PVT1: variants seen among roughly 807,000 people sequenced by gnomAD.
The protein encoded by PVT1 is CXCR4/PVT1 fusion.
At chr8:127,863,129 C>G (rs952105195) in intron 2 of PVT1, among the ~76,000 whole-genome samples, 4 of 123,376 alleles carry the variant, frequency 3.2e-5, no homozygotes, top group Middle Eastern at 4.1e-3. Context: ...TTTATTTTTC[C>G]GAGACCGTGT....
At chr8:128,089,762 A>G (rs1252039191) in intron 5 of PVT1, among the ~76,000 whole-genome samples, 1 of 152,182 alleles carries the variant, frequency 6.6e-6, no homozygotes, top group Non-Finnish European at 1.5e-5. Flanking sequence ...ACATATTTGC[A>G]GACAAACCAG....
At chr8:127,960,390 T>G (rs1380482957) in intron 3 of PVT1, among the ~76,000 whole-genome samples, 4 of 152,136 alleles carry the variant, frequency 2.6e-5, no homozygotes, top group Non-Finnish European at 5.9e-5. Context: ...GGAGACACCC[T>G]TCCTGGAAAG....
chr8:127,854,072 G>A (rs1815136372), intron 2 of PVT1, among the ~76,000 whole-genome samples: 1 of 152,196 alleles, frequency 6.6e-6, no homozygotes, highest in South Asian at 2.1e-4. Flanking sequence ...CCTGCCCCAA[G>A]GCCGCCCACC....
intron 4 of PVT1, among the ~76,000 whole-genome samples, chr8:127,993,332 G>A (rs1012859529): frequency 2.0e-5 from 3 of 152,196 alleles, no homozygotes; most frequent in African/African-American, 7.2e-5. Context: ...GGGGAGCAGT[G>A]GCTGCGCCAC....
At position 128,055,083 on chromosome 8, in the gene PVT1, T is replaced by C. The variant is rs563947591; in HGVS notation, n.913-15077T>C. 3.8e-3 allele frequency among the ~76,000 whole-genome samples: 586 copies of C among 152,272 alleles called. 1 individual carries two copies. Among genetic ancestry groups the C allele is most frequent in the African/African-American group, 0.013 (526 of 41,552 alleles). The stretch of plus-strand genomic sequence containing the variant: ...GGATCTCCATCTTGCCAACCTGCCC[T>C]GTAGAATTTAGACTTAACAGTCCTC... On this transcript the variant is annotated intron_variant and non_coding_transcript_variant, in intron 4 of 10. Transcript: ENST00000651587.
At chr8:127,971,341 C>A (rs1313493825) in intron 3 of PVT1, among the ~76,000 whole-genome samples, 2 of 152,350 alleles carry the variant, frequency 1.3e-5, no homozygotes, top group South Asian at 4.1e-4. Flanking sequence ...CTGCCTCCAT[C>A]CCCTGCTGGG....
At chr8:127,921,641 A>G (rs1280569393) in intron 3 of PVT1, among the ~76,000 whole-genome samples, 2 of 151,820 alleles carry the variant, frequency 1.3e-5, no homozygotes, top group Non-Finnish European at 2.9e-5. Context: ...TCGAAACCCC[A>G]TCTCTATTAA....
intron 3 of PVT1, among the ~76,000 whole-genome samples, chr8:127,924,670 C>A (rs1816107600): frequency 6.6e-6 from 1 of 152,090 alleles, no homozygotes; most frequent in South Asian, 2.1e-4. Flanking sequence ...CACCACCACG[C>A]CCGACTAATT....
chr8:128,032,751 T>C (rs1471937305), intron 4 of PVT1, among the ~76,000 whole-genome samples: 1 of 152,164 alleles, frequency 6.6e-6, no homozygotes, highest in East Asian at 1.9e-4. Context: ...GGCTGGGGTG[T>C]CTCCACTCTG....
At chr8:127,980,415 G>A (rs866492354) in intron 3 of PVT1, among the ~76,000 whole-genome samples, 2 of 152,174 alleles carry the variant, frequency 1.3e-5, no homozygotes, top group Admixed American at 6.5e-5. Flanking sequence ...CCTGGAAGAG[G>A]CAACCTGCAT....
At chr8:127,819,455 A>G (rs921027047) in intron 2 of PVT1, among the ~76,000 whole-genome samples, 5 of 152,216 alleles carry the variant, frequency 3.3e-5, no homozygotes, top group African/African-American at 4.8e-5. Flanking sequence ...CGTTGTACAA[A>G]CGGAGAAACT....
chr8:127,935,294 C>A (rs1445320122), intron 3 of PVT1, among the ~76,000 whole-genome samples: 1 of 152,082 alleles, frequency 6.6e-6, no homozygotes, highest in Admixed American at 6.5e-5. Flanking sequence ...TTTTTTTAAG[C>A]CTCTTCCTTT....
At chr8:127,833,457 A>T (rs1239608664) in intron 2 of PVT1, among the ~76,000 whole-genome samples, 1 of 96,544 alleles carries the variant, frequency 1.0e-5, no homozygotes, top group Non-Finnish European at 1.9e-5. Flanking sequence ...AAACTGCTTT[A>T]TGGATTTTTT....
At chr8:128,000,708 A>G (rs977902766) in intron 4 of PVT1, among the ~76,000 whole-genome samples, 1 of 152,216 alleles carries the variant, frequency 6.6e-6, no homozygotes, top group African/African-American at 2.4e-5. Context: ...ACTTTGTCCC[A>G]TAACAATAGT....
intron 3 of PVT1, among the ~76,000 whole-genome samples, chr8:127,942,953 G>A (rs1816370198): frequency 6.6e-6 from 1 of 152,228 alleles, no homozygotes; most frequent in Admixed American, 6.5e-5. Context: ...AAAATCTGAG[G>A]AGGGAGCAGG....
intron 4 of PVT1, among the ~76,000 whole-genome samples, chr8:128,045,557 T>C (rs1038292538): frequency 6.6e-6 from 1 of 152,234 alleles, no homozygotes; most frequent in Non-Finnish European, 1.5e-5. Context: ...CGCAACCCAA[T>C]GCTTTTTCCA....
intron 2 of PVT1, among the ~76,000 whole-genome samples, chr8:127,811,912 C>G (rs1296999911): frequency 6.6e-6 from 1 of 152,048 alleles, no homozygotes; most frequent in Non-Finnish European, 1.5e-5. Context: ...TCAGATTTAC[C>G]TTCATTTGCA....
intron 3 of PVT1, among the ~76,000 whole-genome samples, chr8:127,987,328 G>T (rs1816981239): frequency 6.6e-6 from 1 of 152,196 alleles, no homozygotes; most frequent in Non-Finnish European, 1.5e-5. Flanking sequence ...TGGAAAGGGA[G>T]GGTTACAGCC....
intron 4 of PVT1, among the ~76,000 whole-genome samples, chr8:127,991,027 C>T (rs1168814937): frequency 6.6e-5 from 10 of 152,136 alleles, no homozygotes; most frequent in East Asian, 1.9e-4. Flanking sequence ...ATTCATATTA[C>T]GCATTCATTT....
Sources: allele counts gnomAD v4.1 joint callset (sites outside exome capture counted in the v4.1 genomes callset), GRCh38; gene constraint gnomAD v4.1.1; transcripts MANE v1.5; gene names NCBI Gene and HGNC (gene_info 2026-07-23, HGNC 2026-07-21).